Variants in GLIS3 observed in about 807,000 individuals in gnomAD.
The protein encoded by GLIS3 is zinc finger protein GLIS3.
In GLIS3, 53 loss-of-function variants were observed where a neutral mutation model predicts 78.6. The observed-to-expected ratio is 0.67, with a 90% CI of 0.54 to 0.85. The LOEUF (loss-of-function observed/expected upper bound fraction) is 0.85, where lower values mean the gene tolerates loss of function less well. Among genes scored for constraint, GLIS3 ranks in the 40% least tolerant of loss-of-function variants. The pLI, the probability that GLIS3 is intolerant of heterozygous loss-of-function variation, is 0.00. For synonymous variants in GLIS3, 684 were observed against 509.9 expected (o/e 1.34, Z -4.60); for missense variants, 1,703 against 1,231.1 (o/e 1.38, Z -5.74).
chr9:4,428,581 G>A, the GLIS3 span, among the ~76,000 whole-genome samples: 1 of 151,748 alleles, frequency 6.6e-6, no homozygotes, highest in Non-Finnish European at 1.5e-5. Context: ...GTTTCAGAGG[G>A]CTAAAAAAAC....
chr9:4,445,102 C>T, the GLIS3 span, among the ~76,000 whole-genome samples: 1 of 152,120 alleles, frequency 6.6e-6, no homozygotes, highest in Non-Finnish European at 1.5e-5. Context: ...GAAATTCAAG[C>T]ACGGCACAGT....
chr9:3,908,547 T>C (rs1823876567), intron 6 of GLIS3, among the ~76,000 whole-genome samples: 1 of 152,132 alleles, frequency 6.6e-6, no homozygotes, highest in African/African-American at 2.4e-5. Context: ...CATTATGAAA[T>C]ATTTGTTTAA....
intron 4 of GLIS3, among the ~76,000 whole-genome samples, chr9:3,951,973 G>C (rs890846841): frequency 2.6e-5 from 4 of 151,556 alleles, no homozygotes; most frequent in Admixed American, 6.6e-5. Flanking sequence ...CTGATCACTG[G>C]CACAATGACT....
intron 3 of GLIS3, among the ~76,000 whole-genome samples, chr9:4,309,748 C>A (rs1817313713): frequency 6.6e-6 from 1 of 151,952 alleles, no homozygotes; most frequent in African/African-American, 2.4e-5. Context: ...ACCAGTTGGC[C>A]TATTTTTTTT....
intron 2 of GLIS3, among the ~76,000 whole-genome samples, chr9:4,321,965 G>C (rs1817535715): frequency 2.0e-5 from 3 of 152,056 alleles, no homozygotes; most frequent in Admixed American, 6.5e-5. Context: ...TGCAGTGTTG[G>C]TGAGCTGCAC....
rs144378483 is a variant in GLIS3, at chr9:4,306,928, C to T, written n.584+1849G>A. ...TTAGACAATTGGAACTTGATAATAA[C>T]GTTATCTCAGCAGATTGCGTAAGTC... On this transcript the variant is annotated intron_variant and non_coding_transcript_variant, in intron 4 of 4. Transcript: ENST00000471664. 4.4e-4 allele frequency among the ~76,000 whole-genome samples: 67 copies of T among 152,342 alleles called. 1 individual carries two copies. The East Asian group carries it at 0.012, about 28-fold the overall frequency.
intron 2 of GLIS3, among the ~76,000 whole-genome samples, chr9:4,177,516 C>A (rs1336135415): frequency 2.6e-5 from 4 of 152,180 alleles, no homozygotes; most frequent in Non-Finnish European, 5.9e-5. Context: ...GATACCCTCC[C>A]TTCTCCTCAT....
chr9:4,219,067 A>G (rs1479427728), intron 2 of GLIS3, among the ~76,000 whole-genome samples: 1 of 152,266 alleles, frequency 6.6e-6, no homozygotes, highest in African/African-American at 2.4e-5. Flanking sequence ...TTTAGAACAG[A>G]AAGCAATGAC....
intron 4 of GLIS3, among the ~76,000 whole-genome samples, chr9:4,074,336 C>A (rs1176343876): frequency 1.3e-5 from 2 of 152,142 alleles, no homozygotes; most frequent in Admixed American, 6.6e-5. Flanking sequence ...AAATTTAGTT[C>A]TCCTCTTTCC....
intron 4 of GLIS3, among the ~76,000 whole-genome samples, chr9:3,944,173 G>A (rs369619315): frequency 2.0e-5 from 3 of 151,982 alleles, no homozygotes; most frequent in African/African-American, 4.8e-5. Flanking sequence ...ATGAGAGTTC[G>A]GCTTAAAAAA....
intron 4 of GLIS3, among the ~76,000 whole-genome samples, chr9:4,078,490 G>A (rs1828268929): frequency 1.3e-5 from 2 of 152,194 alleles, no homozygotes; most frequent in African/African-American, 4.8e-5. Flanking sequence ...GCTCTCTGGA[G>A]ATCTATGTGG....
At chr9:4,058,838 C>G (rs541339881) in intron 4 of GLIS3, among the ~76,000 whole-genome samples, 2 of 151,870 alleles carry the variant, frequency 1.3e-5, no homozygotes, top group African/African-American at 4.8e-5. Context: ...AAAAATTAGC[C>G]GGGTTTGGTG....
chr9:4,329,921 T>A (rs1817660254), intron 2 of GLIS3, among the ~76,000 whole-genome samples: 1 of 152,214 alleles, frequency 6.6e-6, no homozygotes, highest in African/African-American at 2.4e-5. Flanking sequence ...AATAAATGAA[T>A]GCAGCATGAT....
At chr9:4,198,221 T>C (rs905370004) in intron 2 of GLIS3, among the ~76,000 whole-genome samples, 3 of 152,036 alleles carry the variant, frequency 2.0e-5, no homozygotes, top group Admixed American at 6.5e-5. Context: ...CTCAATGAGA[T>C]CCAAGACAAG....
chr9:4,459,668 G>A, the GLIS3 span, among the ~76,000 whole-genome samples: 2 of 152,170 alleles, frequency 1.3e-5, no homozygotes, highest in Non-Finnish European at 2.9e-5. Context: ...GGGAGACTGA[G>A]GCAGAAGGGC....
chr9:4,056,267 C>G (rs1356413753), intron 4 of GLIS3, among the ~76,000 whole-genome samples: 2 of 152,252 alleles, frequency 1.3e-5, no homozygotes, highest in Non-Finnish European at 2.9e-5. Context: ...ACCTTGAAGA[C>G]ATGGGAATCA....
chr9:4,321,779 T>A (rs1220585110), intron 2 of GLIS3, among the ~76,000 whole-genome samples: 1 of 152,016 alleles, frequency 6.6e-6, no homozygotes, highest in Non-Finnish European at 1.5e-5. Flanking sequence ...CATGATCTCA[T>A]CTTACCACAG....
chr9:3,903,046 T>C (rs376101986), intron 6 of GLIS3, among the ~76,000 whole-genome samples: 2 of 152,184 alleles, frequency 1.3e-5, no homozygotes, highest in Non-Finnish European at 2.9e-5. Flanking sequence ...GAATATGTCA[T>C]GTTTTGTAGC....
chr9:4,334,057 G>C (rs1191285529), intron 2 of GLIS3, among the ~76,000 whole-genome samples: 1 of 152,110 alleles, frequency 6.6e-6, no homozygotes, highest in Non-Finnish European at 1.5e-5. Context: ...CAATACTCTA[G>C]TCTCATAATT....
Sources: gnomAD v4.1 joint callset for allele counts (sites outside exome capture counted in the v4.1 genomes callset) on GRCh38, gnomAD v4.1.1 for gene constraint, MANE v1.5 for transcripts, NCBI Gene and HGNC (gene_info 2026-07-23, HGNC 2026-07-21) for gene names.